ARHGAP9: variants seen among roughly 807,000 people sequenced by gnomAD.
ARHGAP9 encodes the protein rho GTPase-activating protein 9.
Under a neutral mutation model 87.3 loss-of-function variants are expected in ARHGAP9, and 76 were observed. The ratio of observed to expected loss-of-function variants is 0.87; its 90% CI spans 0.72 to 1.05. The LOEUF (loss-of-function observed/expected upper bound fraction) is 1.05, where lower values mean the gene tolerates loss of function less well. Among genes scored for constraint, ARHGAP9 ranks in the 50% least tolerant of loss-of-function variants. ARHGAP9 has a pLI of 0.00. For missense variants in ARHGAP9, 941 were observed against 960.5 expected (o/e 0.98, Z 0.27); for synonymous variants, 382 against 394.9 (o/e 0.97, Z 0.39).
upstream of ARHGAP9, among the ~76,000 whole-genome samples, chr12:57,481,033 A>G (rs1860612358): frequency 1.3e-5 from 2 of 151,876 alleles, no homozygotes; most frequent in South Asian, 2.1e-4. Context: ...ATAGTGACTA[A>G]TTTCACCCAT....
chr12:57,477,086 T>G (rs1404844222), intron 5 of ARHGAP9, 70 bp downstream of exon 5: 2 of 1,565,750 alleles, frequency 1.3e-6, no homozygotes, highest in Non-Finnish European at 1.8e-6. Context: ...GGAGAATGTC[T>G]TACACAAAAC....
chr12:57,487,956 TA>T, intron 1 of ARHGAP9: 1 of 708,730 alleles, frequency 1.4e-6, no homozygotes, highest in Non-Finnish European at 2.6e-6. Flanking sequence ...ATGGGAGAAA[TA>T]GTCTACTTTC....
At position 57,474,866 on chromosome 12, in the gene ARHGAP9, G is replaced by GA. The variant is rs753691489; in HGVS notation, c.1651+8dup. 5 of 1,614,034 alleles carry GA rather than the reference G, an allele frequency of 3.1e-6. No individual in the cohort carries two copies. The African/African-American group carries it at 6.7e-5, about 22-fold the overall frequency. ...TGGAAGAGGATTCTGGGGTCTCTGA[G>GA]AAAATGACCTCTTTTATCCACAGCA... On this transcript the variant is annotated intron_variant, in intron 13 of 17. Coordinates refer to ENST00000393791, the MANE Select transcript of ARHGAP9 (RefSeq NM_032496.4).
chr12:57,488,233 G>A (rs752696126), intron 1 of ARHGAP9: 4 of 1,585,946 alleles, frequency 2.5e-6, no homozygotes, highest in Admixed American at 3.4e-5. Flanking sequence ...CGGTGGATGG[G>A]GGGGCGGGAC....
At chr12:57,484,589 T>C (rs929868486), upstream of ARHGAP9, among the ~76,000 whole-genome samples, 1 of 152,194 alleles carries the variant, frequency 6.6e-6, no homozygotes, top group Non-Finnish European at 1.5e-5. Context: ...CATAAAGTCA[T>C]AACTTTATGC....
rs1872218401 is a variant in ARHGAP9 at position 57,472,661 on chromosome 12, G to A, written c.2052C>T (p.Arg684=). ...CRVIAHSDKN[R]MTPHNLGIVF... ...CAATTCCCAGGTTGTGGGGTGTCAT[G>A]CGATTCTTATCTGAGTGTGCTATCA... The change falls in exon 18 of 18, where the codon CGC becomes CGT. Residue 684 remains arginine, a synonymous_variant. Coordinates refer to ENST00000393791, the MANE Select transcript of ARHGAP9 (RefSeq NM_032496.4). The A allele has an allele frequency of 3.1e-6, 5 of 1,614,098 alleles. No homozygotes were observed. The highest frequency in any genetic ancestry group is 3.3e-4 in the Middle Eastern group (2 of 6,084).
intron 1 of ARHGAP9, among the ~76,000 whole-genome samples, chr12:57,485,758 G>C (rs1228508074): frequency 2.0e-5 from 3 of 152,016 alleles, no homozygotes; most frequent in African/African-American, 7.3e-5. Context: ...GTATAGGTAT[G>C]GAGCAGAAAT....
At chr12:57,473,896 A>C in intron 16 of ARHGAP9, 146 bp downstream of exon 16, 1 of 1,351,470 alleles carries the variant, frequency 7.4e-7, no homozygotes, top group Non-Finnish European at 9.9e-7. Context: ...TTCACAAAAA[A>C]GCAACTGGAG....
rs113759971 is a variant in ARHGAP9 at position 57,474,331 on chromosome 12, A to G, written c.1783+92T>C. ...GGTAGCTAAGGTGGGGATGAGGACA[A>G]CCCTCCCAGGAATAGTACATGGGGG... On this transcript the variant is annotated intron_variant, in intron 15 of 17. Coordinates refer to ENST00000393791, the MANE Select transcript of ARHGAP9 (RefSeq NM_032496.4). The G allele has an allele frequency of 5.9e-3, 9,423 of 1,584,334 alleles. 38 individuals carry two copies. Among genetic ancestry groups the G allele is most frequent in the Non-Finnish European group, 7.5e-3 (8,630 of 1,154,804 alleles).
chr12:57,479,624 G>T (rs762855408), intron 1 of ARHGAP9, 106 bp downstream of exon 1: 22 of 1,545,934 alleles, frequency 1.4e-5, no homozygotes, highest in Non-Finnish European at 1.8e-5. Flanking sequence ...GTCTGGTGAG[G>T]AAGTATGTAA....
At chr12:57,482,534 C>A (rs1385775762), upstream of ARHGAP9, among the ~76,000 whole-genome samples, 1 of 152,062 alleles carries the variant, frequency 6.6e-6, no homozygotes, top group Non-Finnish European at 1.5e-5. Context: ...GCCACCGCGC[C>A]TGGCCAAAAA....
At chr12:57,475,238 C>T in intron 12 of ARHGAP9, 53 bp downstream of exon 12, 1 of 1,515,518 alleles carries the variant, frequency 6.6e-7, no homozygotes, top group Non-Finnish European at 8.9e-7. Flanking sequence ...GGAAGCTCTA[C>T]TCTGAGCCTC....
At chr12:57,476,215 C>T (rs1287364815) in intron 8 of ARHGAP9, 49 bp from the exon 9 acceptor site, 3 of 1,505,998 alleles carry the variant, frequency 2.0e-6, no homozygotes, top group Non-Finnish European at 1.8e-6. Context: ...TCCTTCACTG[C>T]TTCCCTCTCC....
upstream of ARHGAP9, chr12:57,480,989 T>A: frequency 1.5e-6 from 1 of 676,736 alleles, no homozygotes; most frequent in Non-Finnish European, 2.6e-6. Flanking sequence ...ACATGGAGAA[T>A]CCTACCCCTC....
Position 57,476,345 on chromosome 12 carries a change from G to C in ARHGAP9, c.1116+19C>G, listed in dbSNP as rs371281230. On this transcript the variant is annotated intron_variant, in intron 8 of 17. Coordinates refer to ENST00000393791, the MANE Select transcript of ARHGAP9 (RefSeq NM_032496.4). The stretch of plus-strand genomic sequence containing the variant: ...TAGGCAGCGCCCGCACCCATCCTGC[G>C]CCTCTCGCTCACACTCACCCAGCCT... 1 of 1,611,872 alleles carries C rather than the reference G, an allele frequency of 6.2e-7. No individual in the cohort carries two copies. The highest frequency in any genetic ancestry group is 1.3e-5 in the African/African-American group (1 of 74,850).
At position 57,475,528 on chromosome 12, in the gene ARHGAP9, G is replaced by C; in HGVS notation, c.1399C>G (p.Leu467Val). 6.2e-7 allele frequency: 1 copy of C among 1,605,186 alleles called. No individual in the cohort carries two copies. Among genetic ancestry groups the C allele is most frequent in the East Asian group, 2.3e-5 (1 of 44,354 alleles). The change falls in exon 11 of 18, where the codon CTG (leucine) becomes GTG (valine). Residue 467 changes from leucine to valine, a missense_variant. Transcript: ENST00000393791. ...AGGCGCAGCAGCGGCTTGGACACCA[G>C]CTCCGACTCCTCTTCTTCGTCCTCC... Reference protein sequence around the residue: ...AGEDEEEESELVSKPLLRLSS... With the variant: ...AGEDEEEESEVVSKPLLRLSS...
In ARHGAP9 at chr12:57,476,120, G is replaced by A; in HGVS notation, c.1163C>T (p.Ala388Val). The change falls in exon 9 of 18, where the codon GCG becomes GTG. Residue 388 changes from alanine (A) to valine (V), a missense_variant. Physicochemically the swap from Ala to Val is moderately conservative, Grantham distance 64. Coordinates refer to ENST00000393791, the MANE Select transcript of ARHGAP9 (RefSeq NM_032496.4). ...CAGGTGGCGGCCGTGCGCCAGGGCC[G>A]CCCCGCGCAGGTCCACGCTACTTTC... is the stretch of plus-strand genomic sequence containing the variant. ...RPESSVDLRG[A>V]ALAHGRHLSS... 1 of 1,541,608 alleles carries A rather than the reference G, an allele frequency of 6.5e-7. No individual in the cohort carries two copies. The highest frequency in any genetic ancestry group is 8.7e-7 in the Non-Finnish European group (1 of 1,143,888).
intron 16 of ARHGAP9, 34 bp downstream of exon 16, chr12:57,474,008 C>T (rs1594762232): frequency 1.9e-6 from 3 of 1,602,410 alleles, no homozygotes; most frequent in Non-Finnish European, 2.6e-6. Context: ...GTGTCCCCCA[C>T]ATCAAGGGTT....
chr12:57,473,788 C>T (rs1872645597), intron 16 of ARHGAP9, 80 bp from the exon 17 acceptor site: 1 of 1,331,464 alleles, frequency 7.5e-7, no homozygotes, highest in Non-Finnish European at 1.1e-6. Flanking sequence ...ACTGCTCTTT[C>T]CCACAGGCAT....
Sources: gnomAD v4.1 joint callset for allele counts (sites outside exome capture counted in the v4.1 genomes callset) on GRCh38, gnomAD v4.1.1 for gene constraint, MANE v1.5 for transcripts, NCBI Gene and HGNC (gene_info 2026-07-23, HGNC 2026-07-21) for gene names.